Variants in PCDHGB1 observed in about 807,000 individuals in gnomAD.
PCDHGB1 encodes protocadherin gamma-B1.
In PCDHGB1, 34 loss-of-function variants were observed where a neutral mutation model predicts 56.6. That is an observed-to-expected ratio of 0.60 (90% CI 0.46 to 0.80). The LOEUF (loss-of-function observed/expected upper bound fraction) is 0.80, where lower values mean the gene tolerates loss of function less well. PCDHGB1 is among the 30% of genes least tolerant of loss of function. PCDHGB1 has a pLI of 0.00. For synonymous variants in PCDHGB1, 561 were observed against 505.9 expected (o/e 1.11, Z -1.46); for missense variants, 1,278 against 1,204.6 (o/e 1.06, Z -0.90).
intron 1 of PCDHGB1, among the ~76,000 whole-genome samples, chr5:141,436,521 C>T (rs2097829891): frequency 6.6e-6 from 1 of 152,086 alleles, no homozygotes; most frequent in African/African-American, 2.4e-5. Flanking sequence ...AACTGTGTCA[C>T]CTTTAGCAAG....
rs2099629540 is a variant in PCDHGB1, at chr5:141,486,436, T to C, written c.2410-8371T>C. 2 of 1,614,188 alleles carry C rather than the reference T, an allele frequency of 1.2e-6. No individual in the cohort carries two copies. The highest frequency in any genetic ancestry group is 1.7e-6 in the Non-Finnish European group (2 of 1,180,020). On this transcript the variant is annotated intron_variant, in intron 1 of 3. Coordinates refer to ENST00000523390, the MANE Select transcript of PCDHGB1 (RefSeq NM_018922.3). This position sits in a 1 kb window ranked among gnomAD's most constrained non-coding sequence, Gnocchi z 5.0. ...TGGATCGAGAGGCCAAATCTAGCTA[T>C]GACATCATGGTCACTGCTTCTGATG... is the stretch of plus-strand genomic sequence containing the variant.
Position 141,431,612 on chromosome 5 carries a change from G to T in PCDHGB1, c.2410-63195G>T, listed in dbSNP as rs79883194. 6.2e-7 allele frequency: 1 copy of T among 1,614,244 alleles called. No homozygotes were observed. The highest frequency in any genetic ancestry group is 2.2e-5 in the East Asian group (1 of 44,880). Reference sequence around the variant, plus strand: ...AGTGAGGTATTCCTTCCGGTATGTGGACGACAAGGCGGCCCAAGTTTTCAA... The same window carrying T: ...AGTGAGGTATTCCTTCCGGTATGTGTACGACAAGGCGGCCCAAGTTTTCAA... On this transcript the variant is annotated intron_variant, in intron 1 of 3. Transcript: ENST00000523390. The surrounding 1 kb of genome is among the most constrained non-coding windows in gnomAD (Gnocchi z 4.8).
rs372096658 is a variant in PCDHGB1, at chr5:141,405,073, C to T, written c.2409+52404C>T. On this transcript the variant is annotated intron_variant, in intron 1 of 3. Coordinates refer to ENST00000523390, the MANE Select transcript of PCDHGB1 (RefSeq NM_018922.3). The stretch of plus-strand genomic sequence containing the variant: ...TCGTCTCCTGTGTCTTCCTCACCTT[C>T]GTTATCACGCTGCTGGCCCTCAGGC... The T allele has an allele frequency of 1.1e-5, 17 of 1,613,880 alleles. No individual in the cohort carries two copies. In the East Asian group the frequency reaches 1.3e-4, roughly 13 times the overall value.
chr5:141,357,443 C>CT, intron 1 of PCDHGB1: 1 of 1,614,222 alleles, frequency 6.2e-7, no homozygotes, highest in South Asian at 1.1e-5. Context: ...GGGGTTCGGG[C>CT]TTTCCTGCAG....
chr5:141,393,071 C>T (rs927273885), intron 1 of PCDHGB1: 3 of 1,613,680 alleles, frequency 1.9e-6, no homozygotes, highest in Non-Finnish European at 2.5e-6. Context: ...GCTTGATCAC[C>T]GCGGGCAGGA....
intron 1 of PCDHGB1, chr5:141,385,279 T>C (rs1781077881): frequency 1.2e-6 from 2 of 1,613,486 alleles, no homozygotes; most frequent in African/African-American, 2.7e-5. Flanking sequence ...TTTGCTAACA[T>C]CCGTAGATTT....
At position 141,489,302 on chromosome 5, in the gene PCDHGB1, T is replaced by C. The variant is rs1258736404; in HGVS notation, c.2410-5505T>C. 2 of 1,586,886 alleles carry C rather than the reference T, an allele frequency of 1.3e-6. No homozygotes were observed. The highest frequency in any genetic ancestry group is 2.3e-5 in the South Asian group (2 of 85,378). ...TGGCAAGTGCTGTGCATGTTGTCCT[T>C]GTGCTGCTGGGGCTGGGTGTCTGGG... On this transcript the variant is annotated intron_variant, in intron 1 of 3. Transcript: ENST00000523390. The surrounding 1 kb of genome is among the most constrained non-coding windows in gnomAD (Gnocchi z 4.5).
chr5:141,413,962 AC>A, intron 1 of PCDHGB1: 1 of 1,613,404 alleles, frequency 6.2e-7, no homozygotes, highest in Non-Finnish European at 8.5e-7. Context: ...GCCTGTGGGC[AC>A]TCAGCTGCTG....
chr5:141,393,443 G>T, intron 1 of PCDHGB1: 1 of 1,614,048 alleles, frequency 6.2e-7, no homozygotes, highest in Non-Finnish European at 8.5e-7. Context: ...CTCACCACCT[G>T]GTCCTCACGG....
At chr5:141,388,412 T>G (rs1381904129) in intron 1 of PCDHGB1, 1 of 1,613,752 alleles carries the variant, frequency 6.2e-7, no homozygotes, top group African/African-American at 1.3e-5. Context: ...GTCCCAGTGA[T>G]CATTTCTCAC....
intron 1 of PCDHGB1, chr5:141,361,945 C>T (rs1762247268): frequency 6.2e-7 from 1 of 1,604,808 alleles, no homozygotes; most frequent in African/African-American, 1.3e-5. Flanking sequence ...CAACGCTTGG[C>T]TGTCCTACCA....
At chr5:141,365,003 A>C (rs1292135798) in intron 1 of PCDHGB1, 1 of 1,613,774 alleles carries the variant, frequency 6.2e-7, no homozygotes, top group Non-Finnish European at 8.5e-7. Context: ...ACTCTCCGGC[A>C]CCACGCACAT....
At chr5:141,385,018 T>TTCGTCC in intron 1 of PCDHGB1, 1 of 1,614,144 alleles carries the variant, frequency 6.2e-7, no homozygotes, top group Non-Finnish European at 8.5e-7. Flanking sequence ...CTTCCTAGCC[T>TTCGTCC]TCGTCCTCGT....
chr5:141,451,001 A>G (rs909477017), intron 1 of PCDHGB1, among the ~76,000 whole-genome samples: 1 of 148,266 alleles, frequency 6.7e-6, no homozygotes, highest in African/African-American at 2.5e-5. Context: ...ATTTTTTTGT[A>G]TTTTTTTTAG....
chr5:141,356,258 C>T, intron 1 of PCDHGB1: 2 of 1,566,144 alleles, frequency 1.3e-6, no homozygotes, highest in Non-Finnish European at 1.7e-6. Flanking sequence ...ACATCTCTCA[C>T]CAGCTCAGTC....
chr5:141,442,561 G>C (rs2098332268), intron 1 of PCDHGB1: 1 of 152,198 alleles, frequency 6.6e-6, no homozygotes, highest in African/African-American at 2.4e-5. Context: ...ACTAAGTTCA[G>C]TCACAAGCAG....
intron 1 of PCDHGB1, among the ~76,000 whole-genome samples, 184 bp from the exon 2 acceptor site, chr5:141,494,623 C>A (rs2099755716): frequency 6.6e-6 from 1 of 152,146 alleles, no homozygotes; most frequent in Non-Finnish European, 1.5e-5. Flanking sequence ...GTTTCTGGTA[C>A]CTCAGACCTC....
chr5:141,402,850 T>C (rs1447900346), intron 1 of PCDHGB1: 7 of 1,417,624 alleles, frequency 4.9e-6, no homozygotes, highest in Non-Finnish European at 6.5e-6. Context: ...TCAGCCTCTT[T>C]CTTCTAAGGA....
At chr5:141,394,769 C>T in intron 1 of PCDHGB1, 1 of 1,613,514 alleles carries the variant, frequency 6.2e-7, no homozygotes, top group Non-Finnish European at 8.5e-7. Flanking sequence ...ATGGCCAGCC[C>T]CCTCTCTCCG....
Sources: allele counts gnomAD v4.1 joint callset (sites outside exome capture counted in the v4.1 genomes callset), GRCh38; gene constraint gnomAD v4.1.1; non-coding constraint Gnocchi (gnomAD v3.1); transcripts MANE v1.5; gene names NCBI Gene and HGNC (gene_info 2026-07-23, HGNC 2026-07-21).